UBAP2: variants seen among roughly 807,000 people sequenced by gnomAD.
UBAP2 encodes the protein ubiquitin-associated protein 2.
Under a neutral mutation model 139.6 loss-of-function variants are expected in UBAP2, and 75 were observed. The observed-to-expected ratio is 0.54, with a 90% CI of 0.45 to 0.65. UBAP2 has a LOEUF of 0.65. Among genes scored for constraint, UBAP2 ranks in the 30% least tolerant of loss-of-function variants. The probability of loss-of-function intolerance (pLI) is 0.00; values close to 1 mark genes in which losing one functional copy is unlikely to be tolerated. For missense variants in UBAP2, 1,368 were observed against 1,369.6 expected (o/e 1.00, Z 0.02); for synonymous variants, 526 against 526.2 (o/e 1.00, Z 0.01).
At chr9:34,015,184 A>G (rs1824139132) in intron 2 of UBAP2, among the ~76,000 whole-genome samples, 1 of 152,224 alleles carries the variant, frequency 6.6e-6, no homozygotes, top group Admixed American at 6.6e-5. Flanking sequence ...GGGTTTGCCA[A>G]TCTAGTCAAT....
intron 22 of UBAP2, 58 bp downstream of exon 22, chr9:33,926,559 G>T (rs1363843242): frequency 2.5e-6 from 4 of 1,590,050 alleles, no homozygotes; most frequent in Non-Finnish European, 3.5e-6. Context: ...GACCATAAGA[G>T]GGGGGACATG....
intron 1 of UBAP2, among the ~76,000 whole-genome samples, chr9:34,046,127 G>A (rs1305762513): frequency 6.6e-6 from 1 of 152,070 alleles, no homozygotes; most frequent in Non-Finnish European, 1.5e-5. Flanking sequence ...TTTCTCACAA[G>A]GAAAAATAAA....
intron 6 of UBAP2, among the ~76,000 whole-genome samples, chr9:33,975,551 C>A (rs970470823): frequency 6.6e-6 from 1 of 151,786 alleles, no homozygotes; most frequent in Non-Finnish European, 1.5e-5. Flanking sequence ...GTAATCCCAG[C>A]ACTTTGGGAG....
chr9:33,987,785 C>T (rs1330568370), intron 5 of UBAP2, among the ~76,000 whole-genome samples: 2 of 152,148 alleles, frequency 1.3e-5, no homozygotes, highest in African/African-American at 4.8e-5. Context: ...ACAGAATTTG[C>T]TCATTAATTA....
At chr9:34,031,658 A>G (rs2131332343) in intron 1 of UBAP2, among the ~76,000 whole-genome samples, 1 of 152,096 alleles carries the variant, frequency 6.6e-6, no homozygotes, top group East Asian at 2.0e-4. Context: ...TGAGCCTCCC[A>G]GTAGCTGGGA....
At chr9:34,021,202 A>G (rs1824912109) in intron 1 of UBAP2, among the ~76,000 whole-genome samples, 1 of 152,200 alleles carries the variant, frequency 6.6e-6, no homozygotes, top group South Asian at 2.1e-4. Context: ...AGGTCTGACA[A>G]GCATTTTTCT....
At chr9:34,005,097 C>T (rs1266910494) in intron 2 of UBAP2, among the ~76,000 whole-genome samples, 1 of 151,636 alleles carries the variant, frequency 6.6e-6, no homozygotes. Context: ...ACCCCGTCTA[C>T]ACTAAAAATA....
At chr9:34,046,274 G>A (rs1386544689) in intron 1 of UBAP2, among the ~76,000 whole-genome samples, 6 of 90,780 alleles carry the variant, frequency 6.6e-5, no homozygotes, top group South Asian at 3.3e-4. Flanking sequence ...TATTAACAAA[G>A]GAAATCTTAA....
In UBAP2 at chr9:34,035,451, G is replaced by A. The variant is rs1344108043; in HGVS notation, c.-42+13374C>T. Among the ~76,000 whole-genome samples, 8 of 139,826 alleles carry A rather than the reference G, an allele frequency of 5.7e-5. No homozygotes were observed. In the East Asian group the frequency reaches 6.7e-4, roughly 12 times the overall value. 91.7% of individuals were successfully genotyped at this position (139,826 alleles called of 152,430 possible). ...TGGGAGGTGGAGGTTGCAGTGAGCC[G>A]AGATCGCGCCACTGCACTCCAGTCT... On this transcript the variant is annotated intron_variant, in intron 1 of 28. Coordinates refer to ENST00000379238, the MANE Select transcript of UBAP2 (RefSeq NM_001370062.2).
At chr9:33,930,000 G>A (rs1001616203) in intron 19 of UBAP2, among the ~76,000 whole-genome samples, 29 of 151,868 alleles carry the variant, frequency 1.9e-4, no homozygotes, top group Admixed American at 3.3e-4. Context: ...GTAAAACTCC[G>A]TCTCAGAAAA....
chr9:33,971,611 A>C, intron 8 of UBAP2, 40 bp downstream of exon 8: 1 of 1,161,140 alleles, frequency 8.6e-7, no homozygotes, highest in Non-Finnish European at 1.3e-6. Context: ...TAATAGCTCA[A>C]ACATTTAAAA....
chr9:34,019,526 G>C (rs1268131997), intron 1 of UBAP2, among the ~76,000 whole-genome samples: 1 of 152,124 alleles, frequency 6.6e-6, no homozygotes, highest in Non-Finnish European at 1.5e-5. Flanking sequence ...GGGAAGAATG[G>C]GGAGTTACTG....
chr9:33,981,615 A>C (rs1365062522), intron 6 of UBAP2, among the ~76,000 whole-genome samples: 2 of 151,788 alleles, frequency 1.3e-5, no homozygotes, highest in East Asian at 3.9e-4. Flanking sequence ...CAGCCTCCCA[A>C]AGTGCTAGAA....
intron 13 of UBAP2, among the ~76,000 whole-genome samples, chr9:33,946,678 T>C (rs1249686450): frequency 6.6e-6 from 1 of 152,152 alleles, no homozygotes; most frequent in African/African-American, 2.4e-5. Flanking sequence ...CATGAGCCAC[T>C]GTGCCCAGCT....
chr9:34,038,316 TCTCC>T (rs1826649633), intron 1 of UBAP2, among the ~76,000 whole-genome samples: 1 of 152,030 alleles, frequency 6.6e-6, no homozygotes, highest in Non-Finnish European at 1.5e-5. Context: ...CTCCCCACGG[TCTCC>T]CTCTGATGCC....
chr9:33,922,919 T>C (rs755246168), intron 27 of UBAP2, 41 bp from the exon 28 acceptor site: 2 of 1,613,988 alleles, frequency 1.2e-6, no homozygotes, highest in Non-Finnish European at 1.7e-6. Flanking sequence ...CAGGTTGGGC[T>C]GTAACCTCTC....
chr9:33,953,286 A>AG lies in UBAP2; in HGVS notation c.1054dup (p.Leu352ProfsTer47). 6.2e-7 allele frequency: 1 copy of AG among 1,610,930 alleles called. No homozygotes were observed. Among genetic ancestry groups the AG allele is most frequent in the Non-Finnish European group, 8.5e-7 (1 of 1,178,460 alleles). On this transcript the variant is annotated frameshift_variant and splice_region_variant, in exon 12 of 29. Transcript: ENST00000379238. LOFTEE classifies it high-confidence loss of function. ...CACACTGAAATAAAAGTGAGTTACC[A>AG]GGCTCTGAGGAGAACAGGAGTTGAC... is the stretch of plus-strand genomic sequence containing the variant.
chr9:33,927,833 T>A lies in UBAP2; in HGVS notation c.2335A>T (p.Ser779Cys). The A allele has an allele frequency of 6.2e-7, 1 of 1,614,026 alleles. No homozygotes were observed. The highest frequency in any genetic ancestry group is 8.5e-7 in the Non-Finnish European group (1 of 1,179,980). Residue 779 changes from serine to cysteine, a missense_variant, in exon 20 of 29, where the codon AGC becomes TGC. Physicochemically the swap from Ser to Cys is moderately radical, Grantham distance 112. Transcript: ENST00000379238. ...CLGGTPASASSSSSRAAPLVT... is the reference protein window; with the variant it reads ...CLGGTPASASCSSSRAAPLVT... ...AAGGGCGCGGCCCTGCTACTGCTGC[T>A]GGATGCACTCGCGGGGGTCCCACCC...
At chr9:34,036,806 CTT>C (rs869116521) in intron 1 of UBAP2, among the ~76,000 whole-genome samples, 17 of 99,456 alleles carry the variant, frequency 1.7e-4, no homozygotes, top group Admixed American at 5.1e-4. Flanking sequence ...AAGTTTTTCT[CTT>C]TTTTTTTTTT....
Sources: allele counts gnomAD v4.1 joint callset (sites outside exome capture counted in the v4.1 genomes callset), GRCh38; gene constraint gnomAD v4.1.1; transcripts MANE v1.5; gene names NCBI Gene and HGNC (gene_info 2026-07-23, HGNC 2026-07-21).